Variants in HHAT observed in about 807,000 individuals in gnomAD.
HHAT encodes the protein protein-cysteine N-palmitoyltransferase HHAT.
HHAT carries 47 observed loss-of-function variants against 70.8 expected under a neutral mutation model. That is an observed-to-expected ratio of 0.66 (90% confidence interval 0.53 to 0.85). The LOEUF (loss-of-function observed/expected upper bound fraction) is 0.85. Ranked by LOEUF, HHAT falls within the 40% of genes least tolerant of loss-of-function variation. HHAT has a pLI of 0.00. For missense variants in HHAT, 609 were observed against 604.8 expected, an observed-to-expected ratio of 1.01 and a Z score of -0.07; for synonymous variants, 228 against 247.6, an observed-to-expected ratio of 0.92 and a Z score of 0.74.
chr1:210,644,464 G>GGT (rs1673620827), intron 11 of HHAT, among the ~76,000 whole-genome samples: 1 of 151,682 alleles, frequency 6.6e-6, no homozygotes, highest in Non-Finnish European at 1.5e-5. Flanking sequence ...TTAGCTAGGC[G>GGT]TGGTGGTGGG....
At chr1:210,629,885 C>T (rs1435536359) in intron 11 of HHAT, among the ~76,000 whole-genome samples, 4 of 151,562 alleles carry the variant, frequency 2.6e-5, no homozygotes, top group Non-Finnish European at 5.9e-5. Context: ...CTCTGTCACC[C>T]AGGTTGGAGT....
At position 210,496,034 on chromosome 1, in the gene HHAT, A is replaced by AAAG. The variant is rs1558024218; in HGVS notation, c.1008-17116_1008-17114dup. On this transcript the variant is annotated intron_variant, in intron 8 of 11. Transcript: ENST00000261458. The stretch of plus-strand genomic sequence containing the variant: ...TCAAAAAAAAAAAAAAAAAAAAGAA[A>AAAG]AAGAAAATGGAGTAGAAAATATCAG... 1.2e-4 allele frequency among the ~76,000 whole-genome samples: 18 copies of AAAG among 149,238 alleles called. No individual in the cohort carries two copies. In the East Asian group the frequency reaches 1.4e-3, roughly 12 times the overall value.
At chr1:210,327,783 G>A (rs2084680915), upstream of HHAT, among the ~76,000 whole-genome samples, 2 of 152,162 alleles carry the variant, frequency 1.3e-5, no homozygotes, top group Admixed American at 6.5e-5. Flanking sequence ...GAGATTACAG[G>A]CGTGGGCCAC....
intron 11 of HHAT, among the ~76,000 whole-genome samples, chr1:210,653,408 G>T (rs1384589674): frequency 6.6e-6 from 1 of 151,944 alleles, no homozygotes; most frequent in Non-Finnish European, 1.5e-5. Context: ...TGTGCTCCCA[G>T]CTACTTGGGG....
At chr1:210,464,999 G>C (rs2094069803) in intron 8 of HHAT, among the ~76,000 whole-genome samples, 1 of 152,188 alleles carries the variant, frequency 6.6e-6, no homozygotes, top group Non-Finnish European at 1.5e-5. Context: ...AATGACATCA[G>C]TGTATGTGAG....
At chr1:210,437,128 A>G (rs575749263) in intron 7 of HHAT, among the ~76,000 whole-genome samples, 1 of 152,012 alleles carries the variant, frequency 6.6e-6, no homozygotes, top group Admixed American at 6.5e-5. Context: ...GCTGGCTCAG[A>G]GCACATTCTG....
At position 210,675,654 on chromosome 1, in the gene HHAT, A is replaced by C. The variant is rs745500942; in HGVS notation, c.*1275A>C. On this transcript the variant is annotated 3_prime_UTR_variant, in exon 12 of 12. Transcript: ENST00000261458. ...AGCATGGCCCTTATGTCTTGAGTTG[A>C]GGTTATCATCTCAATGAGGCTTTAG... The C allele has an allele frequency of 9.9e-5, 15 of 152,092 alleles. No homozygotes were observed. The highest frequency in any genetic ancestry group is 3.6e-4 in the African/African-American group (15 of 41,400). 9.4% of individuals were successfully genotyped at this position (152,092 alleles called of 1,614,324 possible). A position where few individuals can be genotyped will look rare whatever the true frequency, so the allele number is the denominator to read the frequency against.
At chr1:210,527,721 G>A (rs1490163238) in intron 9 of HHAT, among the ~76,000 whole-genome samples, 1 of 152,236 alleles carries the variant, frequency 6.6e-6, no homozygotes, top group Admixed American at 6.5e-5. Context: ...ACGTGACAGA[G>A]GATGGTGCGC....
chr1:210,640,719 G>A (rs959456775), intron 11 of HHAT, among the ~76,000 whole-genome samples: 6 of 149,756 alleles, frequency 4.0e-5, no homozygotes, highest in Non-Finnish European at 8.9e-5. Flanking sequence ...AGCCAGCTTT[G>A]TTATTTGGGA....
Position 210,343,336 on chromosome 1 carries a change from CCTTTAAAA to C in HHAT, c.-43-5596_-43-5589del, listed in dbSNP as rs560194010. Among the ~76,000 whole-genome samples the C allele has an allele frequency of 2.6e-3, 398 of 152,306 alleles. 1 individual carries two copies. The highest frequency in any genetic ancestry group is 9.2e-3 in the African/African-American group (383 of 41,568). On this transcript the variant is annotated intron_variant, in intron 1 of 11. Transcript: ENST00000261458. The stretch of plus-strand genomic sequence containing the variant: ...AGCTCTCTTCTTCCCCTGGCCCCTT[CCTTTAAAA>C]TAGTTACTTTTAAGTTTTCATTTCT...
chr1:210,618,886 C>T (rs757490443), intron 10 of HHAT, among the ~76,000 whole-genome samples: 1 of 152,166 alleles, frequency 6.6e-6, no homozygotes, highest in African/African-American at 2.4e-5. Context: ...GAAGTACAAA[C>T]GAGTTTGACG....
At chr1:210,548,858 T>C (rs542618836) in intron 9 of HHAT, among the ~76,000 whole-genome samples, 1 of 152,346 alleles carries the variant, frequency 6.6e-6, no homozygotes, top group Non-Finnish European at 1.5e-5. Flanking sequence ...GGTCCCGAAG[T>C]GCCTGTATTT....
chr1:210,506,963 C>T (rs983818509), intron 8 of HHAT, among the ~76,000 whole-genome samples: 1 of 152,166 alleles, frequency 6.6e-6, no homozygotes, highest in Admixed American at 6.5e-5. Flanking sequence ...TTTGCCATCC[C>T]TTTAGGCTCT....
intron 8 of HHAT, among the ~76,000 whole-genome samples, chr1:210,472,469 C>G (rs189207876): frequency 2.6e-5 from 4 of 152,262 alleles, no homozygotes; most frequent in African/African-American, 9.6e-5. Context: ...GGAACTGAAG[C>G]AGATTTCTCC....
At chr1:210,429,593 ATT>A (rs10535187) in intron 7 of HHAT, among the ~76,000 whole-genome samples, 65,416 of 150,340 alleles carry the variant, frequency 0.44, 14,600 homozygotes, top group Admixed American at 0.53. Context: ...TAATAAAACA[ATT>A]TTTTTTTTTG....
intron 7 of HHAT, among the ~76,000 whole-genome samples, chr1:210,424,639 A>G (rs1572345878): frequency 6.6e-6 from 1 of 150,748 alleles, no homozygotes; most frequent in African/African-American, 2.4e-5. Flanking sequence ...GTTCCCTTCT[A>G]TGCCTCCAGC....
intron 9 of HHAT, among the ~76,000 whole-genome samples, chr1:210,529,318 G>GAAA (rs10584556): frequency 1.7e-5 from 2 of 118,764 alleles, no homozygotes; most frequent in Non-Finnish European, 3.5e-5. Context: ...AAAAACAAAG[G>GAAA]AAAAAAAAAA....
chr1:210,363,590 G>A (rs755274093), intron 3 of HHAT, among the ~76,000 whole-genome samples: 2 of 152,106 alleles, frequency 1.3e-5, no homozygotes, highest in Non-Finnish European at 2.9e-5. Context: ...TTAGGCTGGG[G>A]TTCTTCTCAT....
At chr1:210,645,170 G>A (rs752730886) in intron 11 of HHAT, among the ~76,000 whole-genome samples, 3 of 152,124 alleles carry the variant, frequency 2.0e-5, no homozygotes, top group Admixed American at 1.3e-4. Context: ...CCTAGCGGAC[G>A]GGACAGGCTT....
Sources: gnomAD v4.1 joint callset for allele counts (sites outside exome capture counted in the v4.1 genomes callset) on GRCh38, gnomAD v4.1.1 for gene constraint, MANE v1.5 for transcripts, NCBI Gene and HGNC (gene_info 2026-07-23, HGNC 2026-07-21) for gene names.